The following TMEM217B variants were observed in gnomAD, a reference collection of about 807,000 sequenced individuals.
TMEM217B encodes transmembrane protein 217B.
At chr6:37,222,513 GC>G in the TMEM217B span, among the ~76,000 whole-genome samples, 2 of 152,170 alleles carry the variant, frequency 1.3e-5, no homozygotes, top group East Asian at 1.9e-4. Context: ...GTCCCGCCCC[GC>G]TAACTCGAAA....
the TMEM217B span, among the ~76,000 whole-genome samples, chr6:37,246,090 C>A: frequency 6.6e-6 from 1 of 152,198 alleles, no homozygotes; most frequent in African/African-American, 2.4e-5. Flanking sequence ...GCGTGAGCCA[C>A]TGCGCCCGGC....
At chr6:37,243,664 T>C in the TMEM217B span, among the ~76,000 whole-genome samples, 2 of 152,190 alleles carry the variant, frequency 1.3e-5, no homozygotes, top group Non-Finnish European at 2.9e-5. Flanking sequence ...AATGGCATGA[T>C]CTCGGCTCAC....
chr6:37,216,359 G>T, the TMEM217B span, among the ~76,000 whole-genome samples: 2 of 152,126 alleles, frequency 1.3e-5, no homozygotes, highest in Non-Finnish European at 2.9e-5. Context: ...GATTACAGAC[G>T]TGAGCCCCTG....
the TMEM217B span, among the ~76,000 whole-genome samples, chr6:37,226,031 G>C: frequency 6.6e-6 from 1 of 152,232 alleles, no homozygotes; most frequent in Admixed American, 6.5e-5. Context: ...GGCTTAGCTT[G>C]TACCACATTA....
chr6:37,252,607 GTATGTGTGTGTA>G, the TMEM217B span, among the ~76,000 whole-genome samples: 14 of 35,868 alleles, frequency 3.9e-4, no homozygotes, highest in African/African-American at 1.6e-3. Flanking sequence ...GTGTGTGTGT[GTATGTGTGTGTA>G]TATATATATA....
chr6:37,237,804 C>CTA, the TMEM217B span, among the ~76,000 whole-genome samples: 18 of 152,100 alleles, frequency 1.2e-4, no homozygotes, highest in Admixed American at 9.8e-4. Flanking sequence ...CCATCTTTCT[C>CTA]TATATATATA....
the TMEM217B span, among the ~76,000 whole-genome samples, chr6:37,229,349 T>TTTTTG: frequency 1.5e-5 from 2 of 134,792 alleles, no homozygotes; most frequent in Non-Finnish European, 3.2e-5. Context: ...TTTTTTTTTT[T>TTTTTG]TTTTTTTTTT....
At chr6:37,255,974 T>A in the TMEM217B span, among the ~76,000 whole-genome samples, 4,876 of 152,296 alleles carry the variant, frequency 0.032, 248 homozygotes, top group African/African-American at 0.11. Context: ...CACTGTTAAC[T>A]ACACCCCCTG....
the TMEM217B span, among the ~76,000 whole-genome samples, chr6:37,240,446 T>C: frequency 6.6e-6 from 1 of 152,152 alleles, no homozygotes; most frequent in South Asian, 2.1e-4. Flanking sequence ...TATAGTCCAC[T>C]TGAATTTCCT....
the TMEM217B span, chr6:37,218,951 T>C: frequency 2.5e-6 from 4 of 1,614,208 alleles, no homozygotes; most frequent in South Asian, 4.4e-5. Flanking sequence ...GAGATACATG[T>C]CTACGGCCAT....
At chr6:37,236,077 A>G in the TMEM217B span, among the ~76,000 whole-genome samples, 2 of 152,246 alleles carry the variant, frequency 1.3e-5, no homozygotes, top group African/African-American at 4.8e-5. Context: ...GCTGATTTTT[A>G]TCCTTTCATC....
the TMEM217B span, among the ~76,000 whole-genome samples, chr6:37,248,240 C>T: frequency 1.3e-5 from 2 of 152,108 alleles, no homozygotes; most frequent in Non-Finnish European, 1.5e-5. Flanking sequence ...AGATTATACA[C>T]TTGTTGAGGA....
the TMEM217B span, chr6:37,218,368 G>T: frequency 3.4e-4 from 472 of 1,372,862 alleles, 3 homozygotes; most frequent in African/African-American, 6.1e-3. Context: ...ACGGGGTTTT[G>T]CCATGGCTGC....
the TMEM217B span, among the ~76,000 whole-genome samples, chr6:37,239,326 A>G: frequency 2.6e-5 from 4 of 151,846 alleles, no homozygotes; most frequent in Non-Finnish European, 5.9e-5. Context: ...CCATCTCTAC[A>G]AAACATACAA....
At chr6:37,237,739 C>T in the TMEM217B span, among the ~76,000 whole-genome samples, 1 of 152,124 alleles carries the variant, frequency 6.6e-6, no homozygotes, top group African/African-American at 2.4e-5. Context: ...ATGGTAGAAT[C>T]TTAACAATGT....
At chr6:37,242,542 G>A in the TMEM217B span, among the ~76,000 whole-genome samples, 1 of 152,178 alleles carries the variant, frequency 6.6e-6, no homozygotes, top group African/African-American at 2.4e-5. Flanking sequence ...TGCTTTGGTG[G>A]TGAATCAGCT....
At chr6:37,253,560 G>A in the TMEM217B span, among the ~76,000 whole-genome samples, 9 of 152,078 alleles carry the variant, frequency 5.9e-5, no homozygotes, top group African/African-American at 2.2e-4. Context: ...AAGCTCTCTT[G>A]CTGTTAAATC....
the TMEM217B span, among the ~76,000 whole-genome samples, chr6:37,213,516 A>G: frequency 6.6e-6 from 1 of 152,226 alleles, no homozygotes; most frequent in Admixed American, 6.5e-5. Flanking sequence ...GTCCCAAGTC[A>G]CAGGGTTTGG....
At chr6:37,225,581 C>T in the TMEM217B span, among the ~76,000 whole-genome samples, 1 of 152,302 alleles carries the variant, frequency 6.6e-6, no homozygotes, top group African/African-American at 2.4e-5. Flanking sequence ...GTGTTCATTG[C>T]CTCCCATCCA....
Sources: gnomAD v4.1 joint callset for allele counts (sites outside exome capture counted in the v4.1 genomes callset) on GRCh38, gnomAD v4.1.1 for gene constraint, MANE v1.5 for transcripts, NCBI Gene and HGNC (gene_info 2026-07-23, HGNC 2026-07-21) for gene names.